Variants in TMIGD3 observed in about 807,000 individuals in gnomAD.
TMIGD3 encodes the protein transmembrane and immunoglobulin domain containing 3.
Under a neutral mutation model 28.1 loss-of-function variants are expected in TMIGD3, and 21 were observed. The observed-to-expected ratio is 0.75, with a 90% confidence interval of 0.53 to 1.08. The LOEUF (loss-of-function observed/expected upper bound fraction) is 1.08, where lower values mean the gene tolerates loss of function less well. Among genes scored for constraint, TMIGD3 ranks in the 50% least tolerant of loss-of-function variants. The pLI is 0.00. For missense variants in TMIGD3, 416 were observed against 435.6 expected (o/e 0.96, Z 0.40); for synonymous variants, 151 against 162.1 (o/e 0.93, Z 0.52).
At chr1:111,517,831 T>A (rs1283833479) in intron 1 of TMIGD3, among the ~76,000 whole-genome samples, 2 of 152,174 alleles carry the variant, frequency 1.3e-5, no homozygotes, top group Admixed American at 6.5e-5. Flanking sequence ...GTGTTCCCCT[T>A]CATACTCCAC....
Position 111,485,740 on chromosome 1 carries a change from C to T in TMIGD3, c.973G>A (p.Val325Ile), listed in dbSNP as rs1654333875. 3 of 1,394,632 alleles carry T rather than the reference C, an allele frequency of 2.2e-6. No homozygotes were observed. The allele number at this position is 1,394,632 out of a possible 1,614,324, so 86.4% of individuals were successfully genotyped here. ...KRRRSQRNRR[V>I]GNTLKPFSRV... is the part of the protein sequence containing the mutation. ...CCCTCCCTCAACAATAGCTACTTAC[C>T]CCTTCTATTCCTTTGACTTCTCCTC... The change falls in exon 5 of 6, where the codon GTA (valine) becomes ATA (isoleucine). Residue 325 changes from valine to isoleucine, a missense_variant and splice_region_variant. Physicochemically the swap from Val to Ile is conservative, Grantham distance 29 (BLOSUM62 3). Transcript: ENST00000369716.
intron 1 of TMIGD3, among the ~76,000 whole-genome samples, chr1:111,491,131 C>G (rs933989276): frequency 6.6e-6 from 1 of 152,234 alleles, no homozygotes; most frequent in Non-Finnish European, 1.5e-5. Context: ...GGCCCAATTT[C>G]TTATACAGTT....
chr1:111,504,968 T>C (rs79960282), upstream of TMIGD3: 113 of 985,276 alleles, frequency 1.1e-4, 1 homozygote, highest in East Asian at 0.01. Context: ...TATTTTCCAA[T>C]GTCAGTTCTG....
chr1:111,484,087 G>A (rs951543625), intron 5 of TMIGD3, among the ~76,000 whole-genome samples: 2 of 152,192 alleles, frequency 1.3e-5, no homozygotes, highest in Non-Finnish European at 2.9e-5. Flanking sequence ...GCTACAACAG[G>A]CTGTACAACT....
rs560125362 is a variant in TMIGD3 at position 111,483,486 on chromosome 1, G to A, written c.*201C>T. The A allele has an allele frequency of 3.5e-5, 20 of 564,926 alleles. No individual in the cohort carries two copies. The highest frequency in any genetic ancestry group is 2.2e-4 in the East Asian group (7 of 32,114). The allele number at this position is 564,926 out of a possible 1,614,324, so 35.0% of individuals were successfully genotyped here. ...CTAAGATCTTGAGATGTTATTTGAGGGCAGCCTTGCTTGGGTGTGGTCTAT... is the reference window on the plus strand; with the variant it reads ...CTAAGATCTTGAGATGTTATTTGAGAGCAGCCTTGCTTGGGTGTGGTCTAT... On this transcript the variant is annotated 3_prime_UTR_variant, in exon 6 of 6. Transcript: ENST00000369716.
At chr1:111,492,739 G>A (rs943064957) in intron 1 of TMIGD3, among the ~76,000 whole-genome samples, 11 of 151,290 alleles carry the variant, frequency 7.3e-5, no homozygotes, top group Admixed American at 1.3e-4. Context: ...GCTTGAACCC[G>A]GGAGGCGGAG....
intron 1 of TMIGD3, among the ~76,000 whole-genome samples, chr1:111,519,294 A>C (rs1379880374): frequency 6.6e-6 from 1 of 152,152 alleles, no homozygotes; most frequent in Non-Finnish European, 1.5e-5. Flanking sequence ...GTGTGCTATG[A>C]GGCTTGGTTT....
At chr1:111,534,559 C>T (rs1391937689) in intron 1 of TMIGD3, among the ~76,000 whole-genome samples, 1 of 152,170 alleles carries the variant, frequency 6.6e-6, no homozygotes, top group Non-Finnish European at 1.5e-5. Flanking sequence ...AGTGTTCTCT[C>T]CAAACATGGT....
At chr1:111,517,124 C>T (rs765703539) in intron 1 of TMIGD3, among the ~76,000 whole-genome samples, 3 of 152,226 alleles carry the variant, frequency 2.0e-5, no homozygotes, top group Non-Finnish European at 2.9e-5. Context: ...TGTACACACA[C>T]ACACATGCAC....
chr1:111,502,306 C>T (rs35344043), intron 1 of TMIGD3, among the ~76,000 whole-genome samples: 5,789 of 15,994 alleles, frequency 0.36, 2,017 homozygotes, highest in Middle Eastern at 0.6. Flanking sequence ...GATATATATT[C>T]ATTATAATGA....
chr1:111,543,455 A>G (rs1656920051), intron 1 of TMIGD3, among the ~76,000 whole-genome samples: 1 of 152,194 alleles, frequency 6.6e-6, no homozygotes, highest in African/African-American at 2.4e-5. Flanking sequence ...TCTTAGAAAC[A>G]TAATTGGGTC....
chr1:111,526,271 T>C (rs1047099740), intron 1 of TMIGD3, among the ~76,000 whole-genome samples: 2 of 152,110 alleles, frequency 1.3e-5, no homozygotes, highest in Non-Finnish European at 2.9e-5. Flanking sequence ...AATCTCCATG[T>C]GTGGTGGGAG....
At chr1:111,526,475 T>G (rs557853392) in intron 1 of TMIGD3, among the ~76,000 whole-genome samples, 1 of 152,316 alleles carries the variant, frequency 6.6e-6, no homozygotes, top group South Asian at 2.1e-4. Context: ...GTAAGTTTCC[T>G]GAGGCCTCCC....
At chr1:111,539,223 C>G (rs1018208246) in intron 1 of TMIGD3, among the ~76,000 whole-genome samples, 1 of 152,196 alleles carries the variant, frequency 6.6e-6, no homozygotes, top group African/African-American at 2.4e-5. Context: ...GTACCTGATA[C>G]TATGCTCTTC....
At chr1:111,527,145 G>A (rs1009827931) in intron 1 of TMIGD3, among the ~76,000 whole-genome samples, 1 of 150,964 alleles carries the variant, frequency 6.6e-6, no homozygotes, top group Admixed American at 6.6e-5. Flanking sequence ...CAAGTAGCTG[G>A]GACTACAGGT....
intron 1 of TMIGD3, among the ~76,000 whole-genome samples, chr1:111,557,756 T>G (rs1657560472): frequency 1.3e-5 from 2 of 152,034 alleles, no homozygotes; most frequent in South Asian, 4.1e-4. Context: ...CTAAAAACAA[T>G]TGATTATATA....
intron 1 of TMIGD3, 104 bp from the exon 2 acceptor site, chr1:111,490,866 T>C (rs769808871): frequency 7.0e-5 from 54 of 774,504 alleles, no homozygotes; most frequent in Non-Finnish European, 1.1e-4. Flanking sequence ...AGTGCTGCCA[T>C]GTATAGATAC....
chr1:111,535,865 C>T (rs1489362516), intron 1 of TMIGD3, among the ~76,000 whole-genome samples: 3 of 152,188 alleles, frequency 2.0e-5, no homozygotes, highest in Non-Finnish European at 2.9e-5. Context: ...CTTCTCCCGG[C>T]CTCCAGACAC....
At chr1:111,518,256 C>G (rs2101000873) in intron 1 of TMIGD3, among the ~76,000 whole-genome samples, 1 of 152,292 alleles carries the variant, frequency 6.6e-6, no homozygotes, top group Non-Finnish European at 1.5e-5. Context: ...CTGAATTGAT[C>G]ATTTGACAAT....
Sources: gnomAD v4.1 joint callset for allele counts (sites outside exome capture counted in the v4.1 genomes callset) on GRCh38, gnomAD v4.1.1 for gene constraint, MANE v1.5 for transcripts, NCBI Gene and HGNC (gene_info 2026-07-23, HGNC 2026-07-21) for gene names.